The following STS variants were observed in gnomAD, a reference collection of about 807,000 sequenced individuals.
STS encodes steroid sulfatase, also known as steryl-sulfatase.
STS carries 7 observed loss-of-function variants against 26.8 expected under a neutral mutation model. The ratio of observed to expected loss-of-function variants is 0.26; its 90% CI spans 0.15 to 0.49. The LOEUF is 0.49. Ranked by LOEUF, STS falls within the 20% of genes least tolerant of loss-of-function variation. The pLI, the probability that STS is intolerant of heterozygous loss-of-function variation, is 0.98. For synonymous variants in STS, 199 were observed against 189.4 expected, an observed-to-expected ratio of 1.05 and a Z score of -0.42; for missense variants, 434 against 465.6, an observed-to-expected ratio of 0.93 and a Z score of 0.63.
chrX:7,256,517 A>G (rs535404973), intron 3 of STS, among the ~76,000 whole-genome samples: 1 of 111,643 alleles, frequency 9.0e-6, no homozygotes, highest in East Asian at 2.8e-4. Flanking sequence ...GGGGCTCATT[A>G]AAGCTGGTTG....
chrX:7,278,581 C>A (rs1924653216), intron 7 of STS, among the ~76,000 whole-genome samples: 1 of 112,155 alleles, frequency 8.9e-6, no homozygotes, highest in Admixed American at 9.4e-5. Context: ...TGGCTTACTG[C>A]CTTATTCTTA....
intron 2 of STS, among the ~76,000 whole-genome samples, chrX:7,246,474 T>TG (rs201725146): frequency 0.037 from 3,993 of 109,041 alleles, 148 homozygotes; most frequent in African/African-American, 0.12. Context: ...GCTAATTTTT[T>TG]TTTTTGGATT....
rs780446255 is a variant in STS, at chrX:7,166,454, C to G, written c.-134+18371C>G. On this transcript the variant is annotated intron_variant, in intron 1 of 10. Transcript: ENST00000674429. ...TTTTGTTTGTACCCTGCCATGTTGC[C>G]AGATATCACATGGATGACTGAAGTA... 1.1e-4 allele frequency among the ~76,000 whole-genome samples: 12 copies of G among 111,645 alleles called. No individual in the cohort carries two copies. In the East Asian group the frequency reaches 3.1e-3, roughly 29 times the overall value.
intron 7 of STS, among the ~76,000 whole-genome samples, chrX:7,294,612 G>A (rs1237009274): frequency 9.0e-6 from 1 of 111,663 alleles, no homozygotes; most frequent in Non-Finnish European, 1.9e-5. Context: ...TCTAAACATG[G>A]ATTACTTAAT....
Position 7,210,318 on chromosome X carries a change from C to T in STS, c.-5+19310C>T, listed in dbSNP as rs866077316. Among the ~76,000 whole-genome samples the T allele has an allele frequency of 1.0e-3, 114 of 110,361 alleles. 1 individual carries two copies. Among genetic ancestry groups the T allele is most frequent in the African/African-American group, 3.7e-3 (114 of 30,413 alleles). The stretch of plus-strand genomic sequence containing the variant: ...CCTGACTTTTTAACAATCGCCATTC[C>T]GACTGGTGTGAGATGGTATCTCATT... On this transcript the variant is annotated intron_variant, in intron 2 of 10. Coordinates refer to ENST00000674429, the MANE Select transcript of STS (RefSeq NM_001320752.2).
chrX:7,165,303 G>A (rs1324476036), intron 1 of STS, among the ~76,000 whole-genome samples: 6 of 109,522 alleles, frequency 5.5e-5, no homozygotes, highest in African/African-American at 2.0e-4. Context: ...ACATTCCCTG[G>A]AATGCACAAT....
At chrX:7,163,672 A>G (rs899678017) in intron 1 of STS, among the ~76,000 whole-genome samples, 1 of 112,661 alleles carries the variant, frequency 8.9e-6, no homozygotes, top group African/African-American at 3.2e-5. Context: ...TCCTTTGTCC[A>G]TAACCAAAAA....
chrX:7,222,528 C>CCAA (rs1555951459), intron 2 of STS, among the ~76,000 whole-genome samples: 1 of 39,423 alleles, frequency 2.5e-5, no homozygotes, highest in Non-Finnish European at 4.4e-5. Flanking sequence ...CCCTCAGCTG[C>CCAA]AAAAAAAAAA....
At chrX:7,315,654 A>G (rs1484275295) in intron 8 of STS, among the ~76,000 whole-genome samples, 1 of 111,570 alleles carries the variant, frequency 9.0e-6, no homozygotes, top group Non-Finnish European at 1.9e-5. Context: ...GCCCCTGGCA[A>G]ATCACTGGTG....
intron 2 of STS, among the ~76,000 whole-genome samples, chrX:7,226,064 T>C (rs1330797245): frequency 1.8e-5 from 2 of 112,317 alleles, no homozygotes; most frequent in Admixed American, 9.5e-5. Flanking sequence ...GTTTTGATAA[T>C]TTTATACAAA....
intron 7 of STS, among the ~76,000 whole-genome samples, chrX:7,299,741 T>C (rs1226385882): frequency 9.1e-6 from 1 of 110,416 alleles, no homozygotes. Flanking sequence ...CAGGATGAAG[T>C]GTTTTGGGTG....
intron 1 of STS, among the ~76,000 whole-genome samples, chrX:7,187,412 T>C (rs1933794152): frequency 8.9e-6 from 1 of 111,883 alleles, no homozygotes. Context: ...GTTTGAAAAC[T>C]GGACCTCATC....
rs367807869 is a variant in STS, at chrX:7,345,969, G to T, written c.1364-3919G>T. On this transcript the variant is annotated intron_variant, in intron 10 of 10. Coordinates refer to ENST00000674429, the MANE Select transcript of STS (RefSeq NM_001320752.2). Reference sequence around the variant, plus strand: ...GGCTCCCACTTCCTGTGGCTGAGTCGCTGTAATACGAAGTAATAGAAATCA... The same window carrying T: ...GGCTCCCACTTCCTGTGGCTGAGTCTCTGTAATACGAAGTAATAGAAATCA... Among the ~76,000 whole-genome samples the T allele has an allele frequency of 4.5e-5, 5 of 112,003 alleles. No homozygotes were observed. The East Asian group carries it at 8.4e-4, about 19-fold the overall frequency.
chrX:7,259,284 C>T, intron 5 of STS, 65 bp from the exon 6 acceptor site: 2 of 1,074,189 alleles, frequency 1.9e-6, no homozygotes, highest in Non-Finnish European at 2.6e-6. Flanking sequence ...CATGTAGGAA[C>T]AGAAGCTTGG....
chrX:7,212,438 C>T (rs1921072415), intron 2 of STS, among the ~76,000 whole-genome samples: 1 of 111,139 alleles, frequency 9.0e-6, no homozygotes, highest in African/African-American at 3.3e-5. Flanking sequence ...TGCCACTGCA[C>T]TCCAGCCTGG....
At chrX:7,222,831 AC>A (rs1188380429) in intron 2 of STS, among the ~76,000 whole-genome samples, 1 of 111,230 alleles carries the variant, frequency 9.0e-6, no homozygotes, top group Admixed American at 9.6e-5. Flanking sequence ...AGTAGTCTGG[AC>A]TTTTAGTGTA....
In STS at chrX:7,172,669, A is replaced by G. The variant is rs141798937; in HGVS notation, c.-133-18211A>G. Among the ~76,000 whole-genome samples the G allele has an allele frequency of 5.4e-3, 602 of 112,037 alleles. 6 individuals are homozygous for G. Among genetic ancestry groups the G allele is most frequent in the African/African-American group, 0.019 (586 of 30,890 alleles). On this transcript the variant is annotated intron_variant, in intron 1 of 10. Coordinates refer to ENST00000674429, the MANE Select transcript of STS (RefSeq NM_001320752.2). ...CAAATCACAAAGCTTTAACTTAGAC[A>G]TGGAAGCATGTGGGGTATGCTTGAG...
chrX:7,343,343 C>T (rs1928377820), intron 10 of STS, among the ~76,000 whole-genome samples: 1 of 111,928 alleles, frequency 8.9e-6, no homozygotes, highest in South Asian at 3.7e-4. Flanking sequence ...AAATGTCTTA[C>T]GACATGTATT....
chrX:7,206,908 A>C (rs1265542037), intron 2 of STS, among the ~76,000 whole-genome samples: 2 of 112,465 alleles, frequency 1.8e-5, no homozygotes, highest in Non-Finnish European at 3.8e-5. Flanking sequence ...TAAAGTTTTC[A>C]TTAAAAATTA....
Sources: gnomAD v4.1 joint callset for allele counts (sites outside exome capture counted in the v4.1 genomes callset) on GRCh38, gnomAD v4.1.1 for gene constraint, MANE v1.5 for transcripts, NCBI Gene and HGNC (gene_info 2026-07-23, HGNC 2026-07-21) for gene names.